Variants in NCOR2 observed in about 807,000 individuals in gnomAD.
NCOR2 encodes nuclear receptor corepressor 2.
NCOR2 carries 81 observed loss-of-function variants against 262.9 expected under a neutral mutation model. That is an observed-to-expected ratio of 0.31 (90% CI 0.26 to 0.37). The LOEUF (loss-of-function observed/expected upper bound fraction) is 0.37, where lower values mean the gene tolerates loss of function less well. Among genes scored for constraint, NCOR2 ranks in the 10% least tolerant of loss-of-function variants. The pLI is 1.00. For synonymous variants in NCOR2, 1,659 were observed against 1,559.3 expected, an observed-to-expected ratio of 1.06 and a Z score of -1.51; for missense variants, 3,385 against 3,621.4, an observed-to-expected ratio of 0.93 and a Z score of 1.68.
chr12:124,495,365 G>A, upstream of NCOR2: 1 of 1,442,358 alleles, frequency 6.9e-7, no homozygotes, highest in Non-Finnish European at 9.1e-7. This position sits in a 1 kb window ranked among gnomAD's most constrained non-coding sequence, Gnocchi z 4.4. Flanking sequence ...CCCGTCACTG[G>A]CACCTGCGGG....
intron 18 of NCOR2, among the ~76,000 whole-genome samples, chr12:124,376,344 G>A (rs1336809016): frequency 2.6e-5 from 4 of 152,186 alleles, no homozygotes; most frequent in Admixed American, 6.5e-5. Context: ...CGTCTGCTCC[G>A]GTTTTAATGT....
intron 1 of NCOR2, among the ~76,000 whole-genome samples, chr12:124,494,873 C>T (rs116521737): frequency 0.026 from 3,950 of 152,316 alleles, 169 homozygotes; most frequent in African/African-American, 0.091. Flanking sequence ...ATTCGCGTGC[C>T]AATCCCACTA....
chr12:124,551,517 C>T (rs1279932011), intron 1 of NCOR2, among the ~76,000 whole-genome samples: 3 of 152,172 alleles, frequency 2.0e-5, no homozygotes, highest in Admixed American at 2.0e-4. Flanking sequence ...TCTCTTTTAA[C>T]AAAAGCCACC....
intron 22 of NCOR2, among the ~76,000 whole-genome samples, chr12:124,360,233 CCTGGGCCGCACA>C (rs2038437919): frequency 6.6e-6 from 1 of 152,256 alleles, no homozygotes; most frequent in South Asian, 2.1e-4. Context: ...AGAGCCACAC[CCTGGGCCGCACA>C]CTGTACCCTG....
intron 17 of NCOR2, among the ~76,000 whole-genome samples, chr12:124,381,031 C>T (rs950852366): frequency 6.6e-6 from 1 of 152,120 alleles, no homozygotes; most frequent in Non-Finnish European, 1.5e-5. Context: ...ACTGGACCTG[C>T]ACAGCTGCTC....
In NCOR2 at chr12:124,372,554, C is replaced by T. The variant is rs747451283; in HGVS notation, c.2275G>A (p.Ala759Thr). ...GGCCCATTCTGCCCTGTGTCCTTGGCGGCCTCAGTGTGAGGAGAGGGGATG... is the reference window on the plus strand; with the variant it reads ...GGCCCATTCTGCCCTGTGTCCTTGGTGGCCTCAGTGTGAGGAGAGGGGATG... Residue 759 changes from alanine (A) to threonine (T), a missense_variant, in exon 20 of 47, where the codon GCC becomes ACC. By Grantham distance (58) the Ala-to-Thr change is moderately conservative. Around this residue, in one of 5 missense-constraint regions of NCOR2, gnomAD observed 1,615 missense variants for 1,626.9 expected, o/e 0.99. Transcript: ENST00000405201. 2.1e-5 allele frequency: 33 copies of T among 1,596,348 alleles called. No homozygotes were observed. In the South Asian group the frequency reaches 2.6e-4, roughly 13 times the overall value.
chr12:124,479,590 C>A (rs983116471), intron 3 of NCOR2, among the ~76,000 whole-genome samples: 4 of 152,258 alleles, frequency 2.6e-5, no homozygotes, highest in Non-Finnish European at 5.9e-5. Context: ...CGCATGCACA[C>A]ACACACCCTG....
chr12:124,467,758 A>C (rs1198510162), intron 4 of NCOR2, among the ~76,000 whole-genome samples: 11 of 61,884 alleles, frequency 1.8e-4, no homozygotes, highest in South Asian at 7.7e-4. Flanking sequence ...CCTCATCTTC[A>C]TCACCCCCAT....
chr12:124,433,877 C>CAAACACAA (rs397972191), intron 8 of NCOR2, among the ~76,000 whole-genome samples: 4 of 119,296 alleles, frequency 3.4e-5, no homozygotes, highest in African/African-American at 8.2e-5. Context: ...CACACACACA[C>CAAACACAA]ACACACACAC....
chr12:124,560,120 C>A (rs1409099483), intron 1 of NCOR2, among the ~76,000 whole-genome samples: 1 of 152,216 alleles, frequency 6.6e-6, no homozygotes, highest in Non-Finnish European at 1.5e-5. Flanking sequence ...CCTCTCTGGG[C>A]CACAGTTTCC....
intron 8 of NCOR2, among the ~76,000 whole-genome samples, chr12:124,431,528 A>G (rs2043932646): frequency 6.6e-6 from 1 of 151,266 alleles, no homozygotes; most frequent in South Asian, 2.1e-4. Flanking sequence ...TCAGACAGAT[A>G]TACACAGGCA....
At chr12:124,515,779 T>C (rs1226318402) in intron 1 of NCOR2, among the ~76,000 whole-genome samples, 2 of 151,830 alleles carry the variant, frequency 1.3e-5, no homozygotes, top group Admixed American at 6.6e-5. Flanking sequence ...TGAGTGTGCA[T>C]GTATGTGTGT....
At chr12:124,500,640 T>C (rs1267352620) in intron 1 of NCOR2, among the ~76,000 whole-genome samples, 3 of 152,224 alleles carry the variant, frequency 2.0e-5, no homozygotes, top group East Asian at 3.9e-4. Flanking sequence ...CTGTGTCCTC[T>C]TCCCACCTGG....
At chr12:124,421,771 C>T (rs1298311977) in intron 12 of NCOR2, among the ~76,000 whole-genome samples, 3 of 152,210 alleles carry the variant, frequency 2.0e-5, no homozygotes, top group Non-Finnish European at 4.4e-5. Flanking sequence ...GGGCCACGTC[C>T]AACATGCAGC....
intron 1 of NCOR2, among the ~76,000 whole-genome samples, chr12:124,554,845 G>A (rs779781410): frequency 6.6e-6 from 1 of 152,256 alleles, no homozygotes; most frequent in Non-Finnish European, 1.5e-5. Context: ...AAGACAGACA[G>A]GGTCAGCTTC....
At chr12:124,498,469 C>T (rs1203423911), upstream of NCOR2, among the ~76,000 whole-genome samples, 1 of 152,182 alleles carries the variant, frequency 6.6e-6, no homozygotes, top group African/African-American at 2.4e-5. Context: ...GCCGGTGGGG[C>T]CTGAACAGGG....
exon 39 of NCOR2, chr12:124,335,537 G>C (rs1325406383): frequency 1.2e-6 from 2 of 1,609,192 alleles, no homozygotes; most frequent in African/African-American, 2.7e-5. Context: ...AGCTCTTCCA[G>C]GTGCTTGGGG....
intron 2 of NCOR2, 57 bp downstream of exon 4, chr12:124,486,384 T>TC: frequency 6.3e-7 from 1 of 1,595,318 alleles, no homozygotes; most frequent in Non-Finnish European, 8.5e-7. Flanking sequence ...CCTCTGCTTC[T>TC]CCATCTGAGA....
At chr12:124,466,577 G>A (rs2046429030) in intron 4 of NCOR2, among the ~76,000 whole-genome samples, 1 of 152,136 alleles carries the variant, frequency 6.6e-6, no homozygotes, top group Admixed American at 6.5e-5. Flanking sequence ...GCCCTCAGTT[G>A]CCCCATCAGT....
Sources: gnomAD v4.1 joint callset for allele counts (sites outside exome capture counted in the v4.1 genomes callset) on GRCh38, gnomAD v4.1.1 for gene constraint, gnomAD v4.1.1 regional missense constraint, Gnocchi (gnomAD v3.1) non-coding constraint, MANE v1.5 for transcripts, NCBI Gene and HGNC (gene_info 2026-07-23, HGNC 2026-07-21) for gene names.